Variants in RALGPS2 observed in about 807,000 individuals in gnomAD.
RALGPS2 encodes Ral GEF with PH domain and SH3 binding motif 2, also known as ras-specific guanine nucleotide-releasing factor RalGPS2.
In RALGPS2, 43 loss-of-function variants were observed where a neutral mutation model predicts 86.8. The observed-to-expected ratio is 0.50, with a 90% CI of 0.39 to 0.64. The LOEUF is 0.64. RALGPS2 is among the 30% of genes least tolerant of loss of function. The pLI is 0.00. For synonymous variants in RALGPS2, 243 were observed against 231.3 expected (o/e 1.05, Z -0.46); for missense variants, 536 against 694.6 (o/e 0.77, Z 2.57).
At chr1:178,846,120 A>G (rs1656853262) in intron 8 of RALGPS2, among the ~76,000 whole-genome samples, 3 of 152,186 alleles carry the variant, frequency 2.0e-5, no homozygotes, top group Admixed American at 2.0e-4. Flanking sequence ...TCATATTTCT[A>G]TTCAGATAAT....
At chr1:178,838,023 C>T (rs995698194) in intron 8 of RALGPS2, among the ~76,000 whole-genome samples, 12 of 152,278 alleles carry the variant, frequency 7.9e-5, no homozygotes, top group East Asian at 3.9e-4. Flanking sequence ...GTAAACAAAG[C>T]GGCCTGGAAG....
rs772630091 is a variant in RALGPS2 at position 178,885,207 on chromosome 1, T to C, written c.1036T>C (p.Tyr346His). Residue 346 changes from tyrosine to histidine, a missense_variant, in exon 12 of 20, where the codon TAT becomes CAT. Tyr to His is a moderately conservative substitution (Grantham distance 83). Coordinates refer to ENST00000367635, the MANE Select transcript of RALGPS2 (RefSeq NM_152663.5). ...ACATAGGAAGTGCCATAGTTTGGGT[T>C]ATAAGTCAGCATTTTTAATTTTATC... The part of the protein sequence containing the change: ...HGHRKCHSLG[Y>H]NFIHKMNTAE... 1.9e-6 allele frequency: 3 copies of C among 1,605,154 alleles called. No individual in the cohort carries two copies. Among genetic ancestry groups the C allele is most frequent in the African/African-American group, 2.7e-5 (2 of 74,590 alleles).
chr1:178,880,195 A>AT, intron 10 of RALGPS2, among the ~76,000 whole-genome samples: 1 of 152,286 alleles, frequency 6.6e-6, no homozygotes, highest in South Asian at 2.1e-4. Context: ...ACATAGAAAT[A>AT]TTTTTTATCT....
At chr1:178,806,056 T>C (rs1488153410) in intron 4 of RALGPS2, among the ~76,000 whole-genome samples, 1 of 152,076 alleles carries the variant, frequency 6.6e-6, no homozygotes, top group Non-Finnish European at 1.5e-5. Context: ...GGATCTCCCA[T>C]TGCTGTTAAT....
chr1:178,783,953 A>T (rs962450100), intron 2 of RALGPS2, among the ~76,000 whole-genome samples: 2 of 152,262 alleles, frequency 1.3e-5, no homozygotes, highest in African/African-American at 4.8e-5. Flanking sequence ...AGATCACATA[A>T]CTAAGAATGG....
intron 7 of RALGPS2, among the ~76,000 whole-genome samples, chr1:178,822,010 A>C (rs1366689502): frequency 6.6e-6 from 1 of 152,160 alleles, no homozygotes; most frequent in Non-Finnish European, 1.5e-5. Context: ...GTATGAATAC[A>C]AAAAAATTGC....
chr1:178,855,100 C>G (rs1448774921), intron 8 of RALGPS2, among the ~76,000 whole-genome samples: 1 of 151,980 alleles, frequency 6.6e-6, no homozygotes, highest in Non-Finnish European at 1.5e-5. Context: ...ACAAGAATTT[C>G]TGTACTATAA....
rs1647323202 is a variant in RALGPS2 at position 178,921,594 on chromosome 1, A to G, written c.*5235A>G. ...AGGACAGGTACCCAGTGATGATAAT[A>G]TATCTGAAAACACAAGCCATTTTTA... is the stretch of plus-strand genomic sequence containing the variant. On this transcript the variant is annotated 3_prime_UTR_variant, in exon 20 of 20. Transcript: ENST00000367635. The G allele has an allele frequency of 6.6e-6, 1 of 152,068 alleles. No individual in the cohort carries two copies. The highest frequency in any genetic ancestry group is 6.6e-5 in the Admixed American group (1 of 15,264). The allele number at this position is 152,068 out of a possible 1,614,324, so 9.4% of individuals were successfully genotyped here.
chr1:178,845,112 A>C (rs1435259713), intron 8 of RALGPS2, among the ~76,000 whole-genome samples: 3 of 152,128 alleles, frequency 2.0e-5, no homozygotes, highest in South Asian at 2.1e-4. Flanking sequence ...AAAAAAAAAA[A>C]AAAAACCATA....
At position 178,811,346 on chromosome 1, in the gene RALGPS2, A is replaced by G. The variant is rs760571571; in HGVS notation, c.329A>G (p.His110Arg). 1.3e-6 allele frequency: 2 copies of G among 1,549,056 alleles called. No individual in the cohort carries two copies. Among genetic ancestry groups the G allele is most frequent in the Admixed American group, 2.2e-5 (1 of 44,478 alleles). Residue 110 changes from histidine (H) to arginine (R), a missense_variant, in exon 6 of 20, where the codon CAT becomes CGT. Around this residue, in one of 3 missense-constraint regions of RALGPS2, gnomAD observed 184 missense variants for 296.7 expected, o/e 0.62. Transcript: ENST00000367635. ...TTTTGGGTTGTTAGAGAGATTCTTC[A>G]TGCTCAAACATTAAAAATTAGAGCA... ...VSFWVVREILHAQTLKIRAEV... is the reference protein window; with the variant it reads ...VSFWVVREILRAQTLKIRAEV...
chr1:178,812,161 G>C (rs1378202873), intron 6 of RALGPS2, among the ~76,000 whole-genome samples: 2 of 152,098 alleles, frequency 1.3e-5, no homozygotes, highest in African/African-American at 4.8e-5. Context: ...AATGGTTGAT[G>C]CTTAAATATC....
chr1:178,739,280 A>G (rs1650892254), intron 1 of RALGPS2, among the ~76,000 whole-genome samples: 1 of 152,206 alleles, frequency 6.6e-6, no homozygotes, highest in South Asian at 2.1e-4. Context: ...GTTTTCTTGT[A>G]AGCACAGTAC....
At chr1:178,759,495 G>A (rs1296991715) in intron 1 of RALGPS2, among the ~76,000 whole-genome samples, 2 of 148,278 alleles carry the variant, frequency 1.3e-5, no homozygotes, top group Admixed American at 6.7e-5. Flanking sequence ...AGTATAATTT[G>A]AAGTCAAGTA....
At chr1:178,827,359 GCAACAA>G (rs994576232) in intron 7 of RALGPS2, among the ~76,000 whole-genome samples, 1 of 150,544 alleles carries the variant, frequency 6.6e-6, no homozygotes, top group African/African-American at 2.4e-5. Flanking sequence ...GCAATCTTGA[GCAACAA>G]CAAAGCTAGA....
At chr1:178,752,352 G>T (rs1048491097) in intron 1 of RALGPS2, among the ~76,000 whole-genome samples, 2 of 150,752 alleles carry the variant, frequency 1.3e-5, no homozygotes, top group African/African-American at 4.9e-5. Flanking sequence ...TGGCGGGGGG[G>T]AGGGTCTCAC....
At chr1:178,736,788 C>T (rs1448154841) in intron 1 of RALGPS2, among the ~76,000 whole-genome samples, 1 of 152,138 alleles carries the variant, frequency 6.6e-6, no homozygotes, top group East Asian at 1.9e-4. Flanking sequence ...GTAGTCCCAG[C>T]TACTCAGGAG....
chr1:178,800,308 C>A (rs1455213272), intron 4 of RALGPS2, among the ~76,000 whole-genome samples: 1 of 152,104 alleles, frequency 6.6e-6, no homozygotes, highest in African/African-American at 2.4e-5. Flanking sequence ...ATGGAAACAT[C>A]TTTAGAGAAA....
intron 4 of RALGPS2, among the ~76,000 whole-genome samples, chr1:178,801,531 TA>T (rs35260376): frequency 6.6e-6 from 1 of 152,154 alleles, no homozygotes; most frequent in Non-Finnish European, 1.5e-5. Flanking sequence ...ATTTTTACAT[TA>T]AAAAAATTTT....
At chr1:178,762,147 G>A (rs1219518275) in intron 1 of RALGPS2, among the ~76,000 whole-genome samples, 1 of 152,056 alleles carries the variant, frequency 6.6e-6, no homozygotes, top group African/African-American at 2.4e-5. Flanking sequence ...TAGGATAATG[G>A]CCTCCAGCTC....
Sources: allele counts gnomAD v4.1 joint callset (sites outside exome capture counted in the v4.1 genomes callset), GRCh38; gene constraint gnomAD v4.1.1; regional missense constraint gnomAD v4.1.1; transcripts MANE v1.5; gene names NCBI Gene and HGNC (gene_info 2026-07-23, HGNC 2026-07-21).